Variants in NEMF observed in about 807,000 individuals in gnomAD.
NEMF encodes nuclear export mediator factor.
A neutral mutation model predicts 162.2 loss-of-function variants in NEMF; 89 were observed. The observed-to-expected ratio is 0.55, with a 90% CI of 0.46 to 0.65. NEMF has a LOEUF of 0.65. Among genes scored for constraint, NEMF ranks in the 30% least tolerant of loss-of-function variants. The pLI, the probability that NEMF is intolerant of heterozygous loss-of-function variation, is 0.00. For missense variants in NEMF, 1,133 were observed against 1,261.9 expected (o/e 0.90, Z 1.55); for synonymous variants, 421 against 404.5 (o/e 1.04, Z -0.49).
chr14:49,810,273 C>A (rs1891412980), intron 18 of NEMF, among the ~76,000 whole-genome samples: 1 of 151,858 alleles, frequency 6.6e-6, no homozygotes, highest in South Asian at 2.1e-4. Context: ...GAGGCTGAGG[C>A]AGGAGAATGG....
intron 16 of NEMF, among the ~76,000 whole-genome samples, chr14:49,820,752 C>T (rs536447530): frequency 3.4e-4 from 52 of 152,192 alleles, no homozygotes; most frequent in Non-Finnish European, 5.9e-4. Flanking sequence ...CGAGTGCCTG[C>T]GATTGCAGGT....
At chr14:49,833,628 A>G in intron 7 of NEMF, 132 bp from the exon 8 acceptor site, 2 of 525,694 alleles carry the variant, frequency 3.8e-6, no homozygotes, top group Non-Finnish European at 3.4e-6. Flanking sequence ...AGAGATAGTG[A>G]TTTCATGTTT....
In NEMF at chr14:49,800,541, C is replaced by T. The variant is rs530556867; in HGVS notation, c.2251G>A (p.Glu751Lys). ...TTTCTAACCTCTTCATATTCTCCTT[C>T]GTCTTCAGAGCTTTCTTCCTGAATG... is the stretch of plus-strand genomic sequence containing the variant. The part of the protein sequence containing the change: ...ELIQEESSED[E>K]GEYEEVRKDQ... Residue 751 changes from glutamate (E) to lysine (K), a missense_variant, in exon 23 of 33, where the codon GAA becomes AAA. Glu to Lys is a moderately conservative substitution (Grantham distance 56). Around this residue, in one of 3 missense-constraint regions of NEMF, gnomAD observed 532 missense variants for 578.6 expected, o/e 0.92. Transcript: ENST00000298310. 2.4e-5 allele frequency: 39 copies of T among 1,614,032 alleles called. 1 individual carries two copies. The highest frequency in any genetic ancestry group is 1.5e-4 in the South Asian group (14 of 91,070).
intron 18 of NEMF, among the ~76,000 whole-genome samples, chr14:49,812,680 T>A (rs974845277): frequency 2.0e-5 from 3 of 152,234 alleles, no homozygotes; most frequent in African/African-American, 7.2e-5. Context: ...AACTGTGGTA[T>A]TTAATTTCCA....
At position 49,785,140 on chromosome 14, in the gene NEMF, A is replaced by T. The variant is rs759288132; in HGVS notation, c.3030-5T>A. ...GGAGTAAGTTTCACTTTATATCTTT[A>T]AAAAGGAATTACATGTGTTACTAAA... On this transcript the variant is annotated splice_region_variant and splice_polypyrimidine_tract_variant and intron_variant, in intron 30 of 32. Coordinates refer to ENST00000298310, the MANE Select transcript of NEMF (RefSeq NM_004713.6). 108 of 1,603,694 alleles carry T rather than the reference A, an allele frequency of 6.7e-5. No homozygotes were observed. Among genetic ancestry groups the T allele is most frequent in the Non-Finnish European group, 4.4e-5 (52 of 1,170,810 alleles).
intron 3 of NEMF, among the ~76,000 whole-genome samples, chr14:49,848,854 A>AAG (rs1893638849): frequency 6.6e-6 from 1 of 150,842 alleles, no homozygotes; most frequent in African/African-American, 2.4e-5. Flanking sequence ...AAAAAAAAAA[A>AAG]GACTTAAATA....
chr14:49,795,769 T>C (rs770343144), intron 26 of NEMF, 22 bp downstream of exon 26: 50 of 1,596,108 alleles, frequency 3.1e-5, no homozygotes, highest in Non-Finnish European at 4.3e-5. Flanking sequence ...CTGTGAACCA[T>C]ATAGATCATC....
At chr14:49,814,987 C>T in intron 16 of NEMF, 130 bp from the exon 17 acceptor site, 1 of 590,284 alleles carries the variant, frequency 1.7e-6, no homozygotes, top group Non-Finnish European at 2.9e-6. Context: ...AGGCATCAAG[C>T]TTAATTTTAC....
intron 1 of NEMF, 25 bp downstream of exon 1, chr14:49,852,670 A>G: frequency 6.2e-7 from 1 of 1,613,696 alleles, no homozygotes; most frequent in Admixed American, 1.7e-5. Context: ...TCCCCACACG[A>G]GCCTCGTCAC....
In NEMF at chr14:49,841,468, G is replaced by A. The variant is rs372544486; in HGVS notation, c.358-602C>T. Among the ~76,000 whole-genome samples the A allele has an allele frequency of 4.0e-5, 6 of 151,176 alleles. No individual in the cohort carries two copies. The East Asian group carries it at 1.2e-3, about 30-fold the overall frequency. On this transcript the variant is annotated intron_variant, in intron 4 of 32. Transcript: ENST00000298310. Reference sequence around the variant, plus strand: ...GCATGCCTGTAATCCCAGCCACTTGGGAGACTGAGGCAGGAGAATCGCTTG... The same window carrying A: ...GCATGCCTGTAATCCCAGCCACTTGAGAGACTGAGGCAGGAGAATCGCTTG...
At chr14:49,820,106 C>G (rs1891928393) in intron 16 of NEMF, 1 of 230,112 alleles carries the variant, frequency 4.3e-6, no homozygotes, top group Non-Finnish European at 8.7e-6. Flanking sequence ...CACAAGCCAC[C>G]ACACCTGGCT....
At chr14:49,820,447 G>A (rs905426140) in intron 16 of NEMF, 7 of 456,364 alleles carry the variant, frequency 1.5e-5, no homozygotes, top group Non-Finnish European at 2.6e-5. Context: ...TACCCTCTCC[G>A]TTTCAGATTC....
At chr14:49,837,314 G>A (rs977339116) in intron 6 of NEMF, among the ~76,000 whole-genome samples, 1 of 152,006 alleles carries the variant, frequency 6.6e-6, no homozygotes, top group Non-Finnish European at 1.5e-5. Context: ...TTTCACATTA[G>A]TAATGTTCAA....
Position 49,782,205 on chromosome 14 carries a change from T to A in NEMF, c.*2431A>T, listed in dbSNP as rs902142180. ...ATATCCAGATAAAATAGATATTGAT[T>A]GATCTGCTTTTGCTACTTTCCCTTA... On this transcript the variant is annotated 3_prime_UTR_variant, in exon 33 of 33. Transcript: ENST00000298310. 5.7e-5 allele frequency: 31 copies of A among 547,728 alleles called. No homozygotes were observed. Among genetic ancestry groups the A allele is most frequent in the African/African-American group, 5.4e-4 (28 of 51,584 alleles). 33.9% of individuals were successfully genotyped at this position (547,728 alleles called of 1,614,324 possible). A position where few individuals can be genotyped will look rare whatever the true frequency, so the allele number is the denominator to read the frequency against.
chr14:49,824,385 A>G (rs952670342), intron 16 of NEMF, among the ~76,000 whole-genome samples: 1 of 151,858 alleles, frequency 6.6e-6, no homozygotes, highest in African/African-American at 2.4e-5. Context: ...TCTACTAAAA[A>G]TACAAAAATT....
intron 4 of NEMF, among the ~76,000 whole-genome samples, chr14:49,844,294 A>G (rs772980266): frequency 6.6e-6 from 1 of 152,100 alleles, no homozygotes; most frequent in African/African-American, 2.4e-5. Flanking sequence ...CCTTGCATGC[A>G]CAGTTCACAA....
chr14:49,837,566 T>C (rs1940313947), intron 6 of NEMF, among the ~76,000 whole-genome samples: 1 of 152,148 alleles, frequency 6.6e-6, no homozygotes, highest in South Asian at 2.1e-4. Flanking sequence ...ATACAAATTT[T>C]ACACATGCTA....
At chr14:49,851,512 A>G in intron 3 of NEMF, 51 bp downstream of exon 3, 1 of 1,261,536 alleles carries the variant, frequency 7.9e-7, no homozygotes, top group East Asian at 2.3e-5. Flanking sequence ...TAAAAACTTA[A>G]TTGTTAGTGA....
rs747221895 is a variant in NEMF at position 49,784,594 on chromosome 14, A to G, written c.*42T>C. ...TTCATCTTTGAACTTCCAAAAGGCT[A>G]TAAAATTGGCTCTTCTCAAATATTT... On this transcript the variant is annotated 3_prime_UTR_variant, in exon 33 of 33. Transcript: ENST00000298310. The G allele has an allele frequency of 2.8e-6, 4 of 1,408,440 alleles. No homozygotes were observed. The highest frequency in any genetic ancestry group is 4.0e-6 in the Non-Finnish European group (4 of 1,002,434). The allele number at this position is 1,408,440 out of a possible 1,614,324, so 87.2% of individuals were successfully genotyped here.
Sources: allele counts gnomAD v4.1 joint callset (sites outside exome capture counted in the v4.1 genomes callset), GRCh38; gene constraint gnomAD v4.1.1; regional missense constraint gnomAD v4.1.1; transcripts MANE v1.5; gene names NCBI Gene and HGNC (gene_info 2026-07-23, HGNC 2026-07-21).